Variants in CTNNA2 observed in about 807,000 individuals in gnomAD.
The protein encoded by CTNNA2 is catenin alpha 2.
Under a neutral mutation model 101.0 loss-of-function variants are expected in CTNNA2, and 42 were observed. That is an observed-to-expected ratio of 0.42 (90% CI 0.32 to 0.54). The LOEUF is 0.54. Among genes scored for constraint, CTNNA2 ranks in the 20% least tolerant of loss-of-function variants. The pLI, the probability that CTNNA2 is intolerant of heterozygous loss-of-function variation, is 0.14. For missense variants in CTNNA2, 871 were observed against 1,223.1 expected (o/e 0.71, Z 4.29); for synonymous variants, 450 against 456.4 (o/e 0.99, Z 0.18).
intron 2 of CTNNA2, among the ~76,000 whole-genome samples, chr2:79,226,097 C>G (rs1674405271): frequency 6.6e-6 from 1 of 152,172 alleles, no homozygotes; most frequent in South Asian, 2.1e-4. Flanking sequence ...GGATAGCTCT[C>G]TACACATGTG....
chr2:79,697,079 G>A (rs1684697851), intron 2 of CTNNA2, among the ~76,000 whole-genome samples: 1 of 151,902 alleles, frequency 6.6e-6, no homozygotes, highest in Non-Finnish European at 1.5e-5. Flanking sequence ...GGGTCACATG[G>A]CCAGTTAGTA....
chr2:80,404,392 A>G (rs1362047706), intron 8 of CTNNA2, among the ~76,000 whole-genome samples: 7 of 152,144 alleles, frequency 4.6e-5, no homozygotes, highest in Admixed American at 2.0e-4. Flanking sequence ...AAAAATAGTA[A>G]TATATGTAAT....
intron 7 of CTNNA2, among the ~76,000 whole-genome samples, chr2:80,334,669 A>G (rs1161770991): frequency 6.6e-6 from 1 of 152,182 alleles, no homozygotes; most frequent in Non-Finnish European, 1.5e-5. Context: ...TTCTTTACCT[A>G]TCAGTTTTTC....
chr2:80,545,352 G>T (rs1022005834), intron 10 of CTNNA2, among the ~76,000 whole-genome samples: 1 of 152,134 alleles, frequency 6.6e-6, no homozygotes, highest in African/African-American at 2.4e-5. Flanking sequence ...TTCAAGGCCA[G>T]CCTGGGCAAC....
chr2:79,285,893 C>G (rs1296717890), intron 2 of CTNNA2, among the ~76,000 whole-genome samples: 4 of 146,832 alleles, frequency 2.7e-5, no homozygotes, highest in Admixed American at 2.6e-4. Flanking sequence ...GAGTCTAAGT[C>G]TCTTTGTAGG....
chr2:79,285,379 T>C (rs1340888338), intron 2 of CTNNA2, among the ~76,000 whole-genome samples: 1 of 149,970 alleles, frequency 6.7e-6, no homozygotes, highest in Non-Finnish European at 1.5e-5. Flanking sequence ...CTGCTTTCTC[T>C]TGTGGGCATT....
intron 17 of CTNNA2, among the ~76,000 whole-genome samples, chr2:80,609,724 G>C (rs1248030512): frequency 6.6e-6 from 1 of 151,676 alleles, no homozygotes. Flanking sequence ...TTTTTGTTCA[G>C]CTTGCCTTGT....
chr2:80,588,818 A>G (rs1207062171), intron 14 of CTNNA2, among the ~76,000 whole-genome samples: 3 of 152,080 alleles, frequency 2.0e-5, no homozygotes, highest in Non-Finnish European at 4.4e-5. Context: ...ACTTACACTC[A>G]TAGAAAGTAG....
At chr2:80,261,126 G>A (rs976721952) in intron 7 of CTNNA2, among the ~76,000 whole-genome samples, 8 of 152,172 alleles carry the variant, frequency 5.3e-5, no homozygotes, top group African/African-American at 1.9e-4. Flanking sequence ...GTTCAAAACA[G>A]CATGCAATAG....
intron 7 of CTNNA2, among the ~76,000 whole-genome samples, chr2:80,052,382 C>A (rs779093076): frequency 6.6e-5 from 10 of 152,192 alleles, no homozygotes; most frequent in Non-Finnish European, 1.2e-4. Flanking sequence ...GTGTATGATA[C>A]AGGTATTATG....
intron 4 of CTNNA2, among the ~76,000 whole-genome samples, chr2:79,488,113 G>T (rs1249331436): frequency 6.6e-6 from 1 of 152,018 alleles, no homozygotes; most frequent in Non-Finnish European, 1.5e-5. Context: ...GAGGTTGGGA[G>T]TTCGAGACCA....
intron 2 of CTNNA2, among the ~76,000 whole-genome samples, chr2:79,288,577 C>A (rs926477752): frequency 3.3e-5 from 5 of 152,152 alleles, no homozygotes; most frequent in Non-Finnish European, 5.9e-5. Context: ...TCTCTCTCTC[C>A]CTCTCTCTTT....
chr2:79,762,432 G>A (rs1672856087), intron 3 of CTNNA2, among the ~76,000 whole-genome samples: 3 of 152,150 alleles, frequency 2.0e-5, no homozygotes, highest in South Asian at 4.2e-4. Context: ...TTCAGCCTTG[G>A]GAAACAGATC....
At chr2:79,257,989 A>G (rs541423925) in intron 2 of CTNNA2, among the ~76,000 whole-genome samples, 6 of 152,126 alleles carry the variant, frequency 3.9e-5, no homozygotes, top group African/African-American at 1.2e-4. Flanking sequence ...TCTAACTCCA[A>G]TTTCTGCCTC....
intron 2 of CTNNA2, among the ~76,000 whole-genome samples, chr2:79,727,415 G>T (rs556451166): frequency 6.6e-6 from 1 of 152,172 alleles, no homozygotes; most frequent in African/African-American, 2.4e-5. Flanking sequence ...CCACCTAAAT[G>T]ACTTGGAAAG....
intron 13 of CTNNA2, 137 bp from the exon 14 acceptor site, chr2:80,581,569 C>T: frequency 1.7e-6 from 1 of 586,228 alleles, no homozygotes; most frequent in Admixed American, 2.6e-5. Flanking sequence ...AATACTCACC[C>T]ACATAGCTGT....
At chr2:80,483,644 C>A (rs1247497614) in intron 9 of CTNNA2, among the ~76,000 whole-genome samples, 2 of 151,876 alleles carry the variant, frequency 1.3e-5, no homozygotes, top group Non-Finnish European at 2.9e-5. Flanking sequence ...ACAAATAAGT[C>A]CATATATGAA....
chr2:79,227,391 CTA>C (rs528786843), intron 2 of CTNNA2, among the ~76,000 whole-genome samples: 2 of 152,228 alleles, frequency 1.3e-5, no homozygotes, highest in Admixed American at 1.3e-4. Context: ...ATGCCATTAT[CTA>C]TGCAATGGCG....
Position 79,894,059 on chromosome 2 carries a change from CT to C in CTNNA2, c.853-15533del, listed in dbSNP as rs1558619740. 8.6e-3 allele frequency among the ~76,000 whole-genome samples: 872 copies of C among 101,064 alleles called. 15 individuals are homozygous for C. Among genetic ancestry groups the C allele is most frequent in the African/African-American group, 0.029 (760 of 26,188 alleles). 66.3% of individuals were successfully genotyped at this position (101,064 alleles called of 152,430 possible). A position where few individuals can be genotyped will look rare whatever the true frequency, so the allele number is the denominator to read the frequency against. On this transcript the variant is annotated intron_variant, in intron 6 of 18. Coordinates refer to ENST00000402739, the MANE Select transcript of CTNNA2 (RefSeq NM_001282597.3). Reference sequence around the variant, plus strand: ...TCTTCTTCTTCTTCTTCTTCTTCTTCTTCTTCCTCCTCCTCCTCCTCCTTCT... The same window carrying C: ...TCTTCTTCTTCTTCTTCTTCTTCTTCTCTTCCTCCTCCTCCTCCTCCTTCT...
Sources: gnomAD v4.1 joint callset for allele counts (sites outside exome capture counted in the v4.1 genomes callset) on GRCh38, gnomAD v4.1.1 for gene constraint, MANE v1.5 for transcripts, NCBI Gene and HGNC (gene_info 2026-07-23, HGNC 2026-07-21) for gene names.